The following GRIP2 variants were observed in gnomAD, a reference collection of about 807,000 sequenced individuals.
GRIP2 encodes the protein glutamate receptor interacting protein 2.
In GRIP2, 58 loss-of-function variants were observed where a neutral mutation model predicts 108.3. The ratio of observed to expected loss-of-function variants is 0.54; its 90% confidence interval spans 0.43 to 0.67. GRIP2 has a LOEUF of 0.67. GRIP2 is among the 30% of genes least tolerant of loss of function. The pLI is 0.00. For missense variants in GRIP2, 1,278 were observed against 1,430.6 expected (o/e 0.89, Z 1.72); for synonymous variants, 586 against 598.2 (o/e 0.98, Z 0.30).
chr3:14,532,401 C>T (rs765997747), intron 1 of GRIP2, among the ~76,000 whole-genome samples: 1 of 151,960 alleles, frequency 6.6e-6, no homozygotes, highest in Non-Finnish European at 1.5e-5. Flanking sequence ...GCTCAGTCTA[C>T]GGGAGGTTTC....
Position 14,511,652 on chromosome 3 carries a change from T to G in GRIP2, c.1721-173A>C, listed in dbSNP as rs1328556706. On this transcript the variant is annotated intron_variant, in intron 14 of 23. Transcript: ENST00000621039. The surrounding 1 kb of genome is among the most constrained non-coding windows in gnomAD (Gnocchi z 4.1). ...ATCAGCTCACCTCCCTGTGCATCAGTTTCCCCCCTGTAAAATGGGGGTGGC... is the reference window on the plus strand; with the variant it reads ...ATCAGCTCACCTCCCTGTGCATCAGGTTCCCCCCTGTAAAATGGGGGTGGC... Among the ~76,000 whole-genome samples, 1 of 152,138 alleles carries G rather than the reference T, an allele frequency of 6.6e-6. No homozygotes were observed. The highest frequency in any genetic ancestry group is 2.4e-5 in the African/African-American group (1 of 41,424).
chr3:14,523,889 C>T (rs1694480007), intron 4 of GRIP2, 191 bp from the exon 5 acceptor site: 1 of 582,390 alleles, frequency 1.7e-6, no homozygotes, highest in Non-Finnish European at 3.1e-6. Flanking sequence ...ACTTAGCCCA[C>T]CACTGAGAGA....
At position 14,517,073 on chromosome 3, in the gene GRIP2, T is replaced by C; in HGVS notation, c.1297A>G (p.Lys433Glu). The C allele has an allele frequency of 6.3e-7, 1 of 1,581,528 alleles. No individual in the cohort carries two copies. The highest frequency in any genetic ancestry group is 1.4e-5 in the African/African-American group (1 of 73,588). The part of the protein sequence containing the change: ...GRRRQRRREH[K>E]SSLSLASSTV... ...AGAGACCACAGCTTACACGAGCTCT[T>C]GTGTTCCCTTCTTCGCTGCCTCCTC... The change falls in exon 11 of 24, where the codon AAG becomes GAG. Residue 433 changes from lysine (K) to glutamate (E), a missense_variant. Transcript: ENST00000621039.
intron 9 of GRIP2, among the ~76,000 whole-genome samples, chr3:14,518,623 G>A (rs765239305): frequency 1.2e-4 from 19 of 152,200 alleles, no homozygotes; most frequent in Non-Finnish European, 2.5e-4. Flanking sequence ...TTCCCAGACC[G>A]CCCCAGGCCA....
intron 22 of GRIP2, 53 bp from the exon 23 acceptor site, chr3:14,495,042 C>A: frequency 1.3e-6 from 2 of 1,598,536 alleles, no homozygotes; most frequent in South Asian, 1.1e-5. Flanking sequence ...TGCCCCCAGC[C>A]TCTCACAGTA....
At position 14,514,721 on chromosome 3, in the gene GRIP2, T is replaced by C. The variant is rs1185583167; in HGVS notation, c.1307-243A>G. Among the ~76,000 whole-genome samples, 6 of 152,224 alleles carry C rather than the reference T, an allele frequency of 3.9e-5. No homozygotes were observed. In the South Asian group the frequency reaches 6.2e-4, roughly 16 times the overall value. On this transcript the variant is annotated intron_variant, in intron 11 of 23. Coordinates refer to ENST00000621039, the MANE Select transcript of GRIP2 (RefSeq NM_001080423.4). Reference sequence around the variant, plus strand: ...GGACTAGGGAAGACAGTGGCTGGGATTGACTGTCATGCTGTAAAGCAGGTT... The same window carrying C: ...GGACTAGGGAAGACAGTGGCTGGGACTGACTGTCATGCTGTAAAGCAGGTT...
Position 14,512,806 on chromosome 3 carries a change from C to T in GRIP2, c.1691G>A (p.Arg564His), listed in dbSNP as rs778739431. 12 of 1,613,658 alleles carry T rather than the reference C, an allele frequency of 7.4e-6. No homozygotes were observed. In the South Asian group the frequency reaches 7.7e-5, roughly 10 times the overall value. Residue 564 changes from arginine (R) to histidine (H), a missense_variant, in exon 14 of 24, where the codon CGC becomes CAC. Coordinates refer to ENST00000621039, the MANE Select transcript of GRIP2 (RefSeq NM_001080423.4). This position sits in a 1 kb window ranked among gnomAD's most constrained non-coding sequence, Gnocchi z 5.1. ...GTFHVKLPKKRSVELGITISS... is the reference protein window; with the variant it reads ...GTFHVKLPKKHSVELGITISS... ...GATGGTGATGCCCAGCTCCACGCTG[C>T]GCTTCTTGGGCAGCTTCACGTGGAA...
the GRIP2 span, among the ~76,000 whole-genome samples, chr3:14,577,085 C>T: frequency 7.9e-5 from 12 of 152,190 alleles, no homozygotes; most frequent in South Asian, 2.1e-4. Flanking sequence ...TTATTTCCTT[C>T]GGCTCCAATT....
chr3:14,558,704 G>A (rs140624583), upstream of GRIP2, among the ~76,000 whole-genome samples: 162 of 152,184 alleles, frequency 1.1e-3, no homozygotes, highest in African/African-American at 3.7e-3. Context: ...ATAGGGAGGT[G>A]GATCTGCCAG....
chr3:14,537,601 A>T, intron 1 of GRIP2, among the ~76,000 whole-genome samples: 1 of 152,240 alleles, frequency 6.6e-6, no homozygotes, highest in East Asian at 1.9e-4. Context: ...TCAAGGTCAG[A>T]GACTAGGAAG....
At chr3:14,527,169 ACT>A (rs1349706619) in intron 1 of GRIP2, among the ~76,000 whole-genome samples, 1 of 152,020 alleles carries the variant, frequency 6.6e-6, no homozygotes, top group Non-Finnish European at 1.5e-5. Context: ...TGACAGAGAG[ACT>A]CTGAGACCCT....
chr3:14,537,751 C>T (rs1440899971), intron 1 of GRIP2, among the ~76,000 whole-genome samples: 2 of 152,198 alleles, frequency 1.3e-5, no homozygotes, highest in Non-Finnish European at 2.9e-5. Context: ...GAGTGGGTAG[C>T]CCAGGGCACA....
At chr3:14,509,078 C>A (rs1694010022) in intron 17 of GRIP2, among the ~76,000 whole-genome samples, 1 of 152,146 alleles carries the variant, frequency 6.6e-6, no homozygotes, top group South Asian at 2.1e-4. Flanking sequence ...AGGTGTCCAG[C>A]AGGGGGCGCT....
intron 23 of GRIP2, among the ~76,000 whole-genome samples, chr3:14,494,237 A>T (rs1693506721): frequency 6.6e-6 from 1 of 152,246 alleles, no homozygotes; most frequent in African/African-American, 2.4e-5. Flanking sequence ...GGAGACAAAA[A>T]GTTTCCTTTC....
intron 8 of GRIP2, 40 bp from the exon 9 acceptor site, chr3:14,520,319 CCAGA>C: frequency 1.2e-6 from 2 of 1,611,212 alleles, no homozygotes; most frequent in East Asian, 4.5e-5. Context: ...CTGGTCCAGG[CCAGA>C]CAAAGCTCTG....
the GRIP2 span, among the ~76,000 whole-genome samples, chr3:14,595,560 A>T: frequency 6.6e-6 from 1 of 152,224 alleles, no homozygotes; most frequent in African/African-American, 2.4e-5. Context: ...CCGAAAGGTC[A>T]GACAGTCGCC....
intron 1 of GRIP2, among the ~76,000 whole-genome samples, chr3:14,551,511 C>T (rs994552844): frequency 3.3e-5 from 5 of 152,062 alleles, no homozygotes; most frequent in African/African-American, 4.8e-5. Flanking sequence ...GACAGCCAGG[C>T]GGAGAGCGGG....
chr3:14,510,168 C>G (rs1694043840), intron 16 of GRIP2, among the ~76,000 whole-genome samples: 1 of 152,156 alleles, frequency 6.6e-6, no homozygotes, highest in Non-Finnish European at 1.5e-5. Flanking sequence ...CACACCTCAC[C>G]CACAATAATG....
upstream of GRIP2, among the ~76,000 whole-genome samples, chr3:14,544,579 G>A (rs1029351408): frequency 1.1e-4 from 16 of 152,158 alleles, no homozygotes; most frequent in African/African-American, 3.1e-4. Context: ...AGTGACAGCC[G>A]GAAATGAAGT....
Sources: allele counts gnomAD v4.1 joint callset (sites outside exome capture counted in the v4.1 genomes callset), GRCh38; gene constraint gnomAD v4.1.1; non-coding constraint Gnocchi (gnomAD v3.1); transcripts MANE v1.5; gene names NCBI Gene and HGNC (gene_info 2026-07-23, HGNC 2026-07-21).